The following NT5DC1 variants were observed in gnomAD, a reference collection of about 807,000 sequenced individuals.
NT5DC1 encodes the protein 5'-nucleotidase domain-containing protein 1.
A neutral mutation model predicts 59.4 loss-of-function variants in NT5DC1; 42 were observed. That is an observed-to-expected ratio of 0.71 (90% CI 0.55 to 0.92). The LOEUF (loss-of-function observed/expected upper bound fraction) is 0.92. Ranked by LOEUF, NT5DC1 falls within the 40% of genes least tolerant of loss-of-function variation. The probability of loss-of-function intolerance (pLI) is 0.00; values close to 1 mark genes in which losing one functional copy is unlikely to be tolerated. For synonymous variants in NT5DC1, 172 were observed against 188.1 expected (o/e 0.91, Z 0.70); for missense variants, 501 against 537.1 (o/e 0.93, Z 0.66).
chr6:116,211,193 C>T (rs1047097617), intron 6 of NT5DC1, among the ~76,000 whole-genome samples: 3 of 152,052 alleles, frequency 2.0e-5, no homozygotes, highest in Non-Finnish European at 4.4e-5. Context: ...GTTTCACCAG[C>T]TCTCACCGTT....
At chr6:116,199,814 T>C (rs1781308303) in intron 6 of NT5DC1, among the ~76,000 whole-genome samples, 1 of 151,986 alleles carries the variant, frequency 6.6e-6, no homozygotes, top group Admixed American at 6.6e-5. Flanking sequence ...TAACCATCAA[T>C]GAGTCTGGTA....
chr6:116,128,147 T>G (rs1343359462), intron 6 of NT5DC1, among the ~76,000 whole-genome samples: 2 of 152,176 alleles, frequency 1.3e-5, no homozygotes, highest in African/African-American at 4.8e-5. Context: ...ATGTGGGTAT[T>G]TGTCATTCTA....
intron 6 of NT5DC1, among the ~76,000 whole-genome samples, chr6:116,150,365 A>C (rs966294114): frequency 7.2e-5 from 11 of 151,880 alleles, no homozygotes; most frequent in Non-Finnish European, 1.0e-4. Context: ...GCTCACTGCA[A>C]CCTCCACCTC....
intron 6 of NT5DC1, among the ~76,000 whole-genome samples, chr6:116,130,655 G>A: frequency 6.6e-6 from 1 of 151,990 alleles, no homozygotes; most frequent in African/African-American, 2.4e-5. Flanking sequence ...TATGCACAGG[G>A]TGTTCATTAA....
intron 6 of NT5DC1, chr6:116,120,600 G>A: frequency 6.3e-7 from 1 of 1,581,542 alleles, no homozygotes. Context: ...GGCCCTGGAA[G>A]ACCAGGCTCT....
intron 8 of NT5DC1, among the ~76,000 whole-genome samples, chr6:116,224,940 C>T (rs913470024): frequency 2.0e-5 from 3 of 151,840 alleles, no homozygotes; most frequent in African/African-American, 7.3e-5. Context: ...TGGTCCAGAG[C>T]GACAGTACTG....
At chr6:116,241,449 T>TA (rs1334432171) in intron 11 of NT5DC1, among the ~76,000 whole-genome samples, 1 of 152,212 alleles carries the variant, frequency 6.6e-6, no homozygotes, top group Admixed American at 6.5e-5. Context: ...AATTAACATG[T>TA]TCTAACATGC....
At chr6:116,180,963 T>C (rs912404895) in intron 6 of NT5DC1, among the ~76,000 whole-genome samples, 2 of 152,096 alleles carry the variant, frequency 1.3e-5, no homozygotes, top group Middle Eastern at 3.2e-3. Context: ...TAAAGAATTA[T>C]TGTTATATTT....
In NT5DC1 at chr6:116,228,800, CCTCTAACTGCTTT is replaced by C. The variant is rs567115933; in HGVS notation, c.802+5670_802+5682del. Among the ~76,000 whole-genome samples the C allele has an allele frequency of 4.6e-5, 7 of 152,258 alleles. No individual in the cohort carries two copies. The South Asian group carries it at 1.5e-3, about 32-fold the overall frequency. ...GATTCTGATTCTGATTCGTCAGCTA[CCTCTAACTGCTTT>C]ACCTCCATTTCTGCTACCTTTCTCT... On this transcript the variant is annotated intron_variant, in intron 8 of 11. Coordinates refer to ENST00000319550, the MANE Select transcript of NT5DC1 (RefSeq NM_152729.3).
chr6:116,228,554 G>C (rs1781951436), intron 8 of NT5DC1, among the ~76,000 whole-genome samples: 2 of 152,086 alleles, frequency 1.3e-5, no homozygotes, highest in Admixed American at 1.3e-4. Flanking sequence ...TCACATCCAG[G>C]AGGGCTAGAT....
chr6:116,129,589 C>T (rs1029110004), intron 6 of NT5DC1, among the ~76,000 whole-genome samples: 3 of 152,188 alleles, frequency 2.0e-5, no homozygotes, highest in Non-Finnish European at 4.4e-5. Context: ...TTCTGCCATG[C>T]GATACTACAG....
intron 6 of NT5DC1, among the ~76,000 whole-genome samples, chr6:116,175,548 G>A (rs958652787): frequency 6.6e-5 from 10 of 152,074 alleles, no homozygotes; most frequent in Non-Finnish European, 1.2e-4. Context: ...CCCCAATTAT[G>A]AGTATGTTGG....
At chr6:116,144,672 C>T (rs1779851111) in intron 6 of NT5DC1, among the ~76,000 whole-genome samples, 2 of 152,068 alleles carry the variant, frequency 1.3e-5, no homozygotes, top group African/African-American at 4.8e-5. Flanking sequence ...TATTTGTAAT[C>T]CACACCAGAC....
chr6:116,243,806 T>C (rs973754732), intron 11 of NT5DC1, 103 bp from the exon 12 acceptor site: 5 of 544,596 alleles, frequency 9.2e-6, no homozygotes, highest in Non-Finnish European at 1.6e-5. Context: ...ATTAAAATTT[T>C]ACGTCTAAAA....
At chr6:116,171,553 A>G (rs17077632) in intron 6 of NT5DC1, among the ~76,000 whole-genome samples, 4,846 of 152,280 alleles carry the variant, frequency 0.032, 269 homozygotes, top group African/African-American at 0.11. Context: ...TTGAGAGCCT[A>G]CCTTTTTGGG....
At chr6:116,226,150 T>C (rs1198816123) in intron 8 of NT5DC1, among the ~76,000 whole-genome samples, 1 of 152,200 alleles carries the variant, frequency 6.6e-6, no homozygotes. Context: ...TTATCAAGAA[T>C]TCTAATAATA....
At chr6:116,162,005 G>A (rs1200670112) in intron 6 of NT5DC1, among the ~76,000 whole-genome samples, 2 of 151,994 alleles carry the variant, frequency 1.3e-5, no homozygotes, top group Non-Finnish European at 1.5e-5. Context: ...CATCTTAAAT[G>A]TATTCCTAGA....
chr6:116,226,948 T>C (rs1474597006), intron 8 of NT5DC1, among the ~76,000 whole-genome samples: 1 of 152,150 alleles, frequency 6.6e-6, no homozygotes, highest in African/African-American at 2.4e-5. Context: ...TTTAAATAGG[T>C]ATTACCTCAC....
chr6:116,237,134 C>G (rs754325973), intron 9 of NT5DC1, 50 bp downstream of exon 9: 1 of 984,184 alleles, frequency 1.0e-6, no homozygotes, highest in South Asian at 1.3e-5. Flanking sequence ...CAGACATAAG[C>G]AGTTGTGAAC....
Sources: gnomAD v4.1 joint callset for allele counts (sites outside exome capture counted in the v4.1 genomes callset) on GRCh38, gnomAD v4.1.1 for gene constraint, MANE v1.5 for transcripts, NCBI Gene and HGNC (gene_info 2026-07-23, HGNC 2026-07-21) for gene names.